FHIT: variants seen among roughly 807,000 people sequenced by gnomAD.
The protein encoded by FHIT is fragile histidine triad diadenosine triphosphatase.
FHIT carries 19 observed loss-of-function variants against 17.9 expected under a neutral mutation model. The ratio of observed to expected loss-of-function variants is 1.06; its 90% CI spans 0.74 to 1.56. The LOEUF is 1.56. Among genes scored for constraint, FHIT ranks in the 40% most tolerant of loss-of-function variants. The pLI, the probability that FHIT is intolerant of heterozygous loss-of-function variation, is 0.00. For synonymous variants in FHIT, 81 were observed against 69.7 expected (o/e 1.16, Z -0.81); for missense variants, 248 against 189.2 (o/e 1.31, Z -1.82).
intron 4 of FHIT, among the ~76,000 whole-genome samples, chr3:60,665,025 A>G (rs28448819): frequency 0.28 from 42,771 of 151,714 alleles, 6,918 homozygotes; most frequent in East Asian, 0.7. Flanking sequence ...TCGTTTCTCA[A>G]AATAGGAACT....
At chr3:60,623,124 C>T (rs558724117) in intron 4 of FHIT, among the ~76,000 whole-genome samples, 140 of 152,296 alleles carry the variant, frequency 9.2e-4, no homozygotes, top group African/African-American at 3.2e-3. Flanking sequence ...ACCTGGCACA[C>T]ATAGTAGATA....
rs112113796 is a variant in FHIT at position 60,460,048 on chromosome 3, C to T, written c.103+76812G>A. ...GGTCAAAATAGTTCAGAAAACACTA[C>T]TTCTTATAGTCCTCCTCTCCACAAC... On this transcript the variant is annotated intron_variant, in intron 5 of 9. Coordinates refer to ENST00000492590, the MANE Select transcript of FHIT (RefSeq NM_002012.4). 2.7e-3 allele frequency among the ~76,000 whole-genome samples: 413 copies of T among 152,282 alleles called. 1 individual carries two copies. Among genetic ancestry groups the T allele is most frequent in the African/African-American group, 9.5e-3 (394 of 41,558 alleles).
At chr3:60,300,973 C>T (rs187797075) in intron 5 of FHIT, among the ~76,000 whole-genome samples, 3 of 152,168 alleles carry the variant, frequency 2.0e-5, no homozygotes, top group African/African-American at 7.2e-5. Context: ...AAACTCATCT[C>T]TAAAAAGCAG....
At chr3:60,336,117 A>G (rs991116937) in intron 5 of FHIT, among the ~76,000 whole-genome samples, 2 of 152,176 alleles carry the variant, frequency 1.3e-5, no homozygotes, top group South Asian at 2.1e-4. Context: ...CTAATTCTCC[A>G]TGGGCTCTCT....
chr3:60,109,607 A>G (rs1286305933), intron 5 of FHIT, among the ~76,000 whole-genome samples: 8 of 152,208 alleles, frequency 5.3e-5, no homozygotes, highest in African/African-American at 1.2e-4. Context: ...CATGAAGAGA[A>G]TAACAGAAGC....
intron 3 of FHIT, among the ~76,000 whole-genome samples, chr3:61,040,389 A>G (rs1240470366): frequency 4.6e-5 from 7 of 152,224 alleles, no homozygotes; most frequent in African/African-American, 1.4e-4. Flanking sequence ...GCAATTTAGG[A>G]AAAATGGATA....
At chr3:60,021,867 C>T (rs185250986) in intron 5 of FHIT, among the ~76,000 whole-genome samples, 2 of 152,084 alleles carry the variant, frequency 1.3e-5, no homozygotes, top group African/African-American at 2.4e-5. Context: ...CCTGCTTCCA[C>T]GGGATGCTGT....
chr3:60,053,248 C>T (rs761296155), intron 5 of FHIT, among the ~76,000 whole-genome samples: 5 of 151,476 alleles, frequency 3.3e-5, no homozygotes. Context: ...TAGGCTATCC[C>T]AATTATTTTC....
At chr3:60,529,109 T>A (rs2035678068) in intron 5 of FHIT, among the ~76,000 whole-genome samples, 1 of 152,212 alleles carries the variant, frequency 6.6e-6, no homozygotes, top group Non-Finnish European at 1.5e-5. Flanking sequence ...GTAGAGGTTT[T>A]TAAGGATAAG....
chr3:60,325,121 C>T (rs1336866597), intron 5 of FHIT, among the ~76,000 whole-genome samples: 1 of 144,376 alleles, frequency 6.9e-6, no homozygotes, highest in Non-Finnish European at 1.5e-5. Context: ...CAATTTTTTT[C>T]ATATTATTCA....
At chr3:60,057,691 T>C (rs868356211) in intron 5 of FHIT, among the ~76,000 whole-genome samples, 4 of 148,772 alleles carry the variant, frequency 2.7e-5, no homozygotes, top group African/African-American at 7.4e-5. Flanking sequence ...TTCAGGCCTC[T>C]CGAAAAAAAA....
chr3:61,225,180 TA>T (rs1449043084), intron 1 of FHIT, among the ~76,000 whole-genome samples: 9 of 152,360 alleles, frequency 5.9e-5, no homozygotes, highest in East Asian at 1.9e-4. Flanking sequence ...ACAGTCAAAA[TA>T]TCTTTTAAAT....
At chr3:60,008,787 T>A (rs1671768429) in intron 7 of FHIT, among the ~76,000 whole-genome samples, 1 of 152,234 alleles carries the variant, frequency 6.6e-6, no homozygotes, top group African/African-American at 2.4e-5. Flanking sequence ...TATTCACAAC[T>A]GGACAGCTGA....
chr3:60,950,530 G>C (rs1459934490), intron 3 of FHIT, among the ~76,000 whole-genome samples: 1 of 149,116 alleles, frequency 6.7e-6, no homozygotes, highest in Non-Finnish European at 1.5e-5. Flanking sequence ...ACCCAGGCTG[G>C]AGTGGAGATG....
At chr3:59,989,363 G>A (rs1709127027) in intron 7 of FHIT, among the ~76,000 whole-genome samples, 2 of 151,936 alleles carry the variant, frequency 1.3e-5, no homozygotes, top group Admixed American at 6.6e-5. Flanking sequence ...CCAACCCTCG[G>A]CCAGCACCTA....
intron 4 of FHIT, among the ~76,000 whole-genome samples, chr3:60,667,362 C>T (rs2040405213): frequency 6.6e-6 from 1 of 151,720 alleles, no homozygotes; most frequent in South Asian, 2.1e-4. Flanking sequence ...GTAATTCTAC[C>T]CTCTCTTATC....
intron 5 of FHIT, among the ~76,000 whole-genome samples, chr3:60,085,377 C>A (rs1703452991): frequency 6.6e-6 from 1 of 152,072 alleles, no homozygotes; most frequent in South Asian, 2.1e-4. Context: ...TGACATCATT[C>A]TACACTTACA....
intron 3 of FHIT, among the ~76,000 whole-genome samples, chr3:60,938,915 G>C (rs56078561): frequency 0.35 from 53,100 of 152,002 alleles, 10,521 homozygotes; most frequent in South Asian, 0.45. Context: ...GTTAAAATAT[G>C]TTCATTGTAA....
At chr3:60,233,557 C>T (rs547329959) in intron 5 of FHIT, among the ~76,000 whole-genome samples, 1 of 152,118 alleles carries the variant, frequency 6.6e-6, no homozygotes, top group Admixed American at 6.5e-5. Flanking sequence ...GCACCCTTAC[C>T]ACTCTACCTA....
Sources: allele counts gnomAD v4.1 joint callset (sites outside exome capture counted in the v4.1 genomes callset), GRCh38; gene constraint gnomAD v4.1.1; transcripts MANE v1.5; gene names NCBI Gene and HGNC (gene_info 2026-07-23, HGNC 2026-07-21).